DAG1: variants seen among roughly 807,000 people sequenced by gnomAD.
DAG1 encodes dystroglycan 1 (dystrophin-associated glycoprotein 1).
A neutral mutation model predicts 46.1 loss-of-function variants in DAG1; 8 were observed. The observed-to-expected ratio is 0.17, with a 90% CI of 0.10 to 0.31. DAG1 has a LOEUF of 0.31. Among genes scored for constraint, DAG1 ranks in the 10% least tolerant of loss-of-function variants. The probability of loss-of-function intolerance (pLI) is 1.00; values close to 1 mark genes in which losing one functional copy is unlikely to be tolerated. For synonymous variants in DAG1, 495 were observed against 481.8 expected, an observed-to-expected ratio of 1.03 and a Z score of -0.36; for missense variants, 1,003 against 1,189.9, an observed-to-expected ratio of 0.84 and a Z score of 2.31.
At position 49,511,043 on chromosome 3, in the gene DAG1, A is replaced by G. The variant is rs760522875; in HGVS notation, c.285+224A>G. Reference sequence around the variant, plus strand: ...CCTATTCTGAGGGCATCACCATGTAATAGCCTTTACTCTGGAAGTTCTACT... The same window carrying G: ...CCTATTCTGAGGGCATCACCATGTAGTAGCCTTTACTCTGGAAGTTCTACT... On this transcript the variant is annotated intron_variant, in intron 2 of 2. Coordinates refer to ENST00000308775, the MANE Select transcript of DAG1 (RefSeq NM_004393.6). The G allele has an allele frequency of 1.9e-5, 17 of 896,214 alleles. No individual in the cohort carries two copies. In the Admixed American group the frequency reaches 3.7e-4, roughly 20 times the overall value. The allele number at this position is 896,214 out of a possible 1,614,324, so 55.5% of individuals were successfully genotyped here.
chr3:49,510,794 T>C lies in DAG1; in HGVS notation c.260T>C (p.Ile87Thr). ...CGAGTGACCATTCCAACAGATTTGA[T>C]TGCCTCCAGTGGAGATATCATCAAG... Reference protein sequence around the residue: ...SFRVTIPTDLIASSGDIIKVS... With the variant: ...SFRVTIPTDLTASSGDIIKVS... The change falls in exon 2 of 3, where the codon ATT becomes ACT. Residue 87 changes from isoleucine (I) to threonine (T), a missense_variant. Ile to Thr is a moderately conservative substitution (Grantham distance 89). Transcript: ENST00000308775. 1 of 1,614,152 alleles carries C rather than the reference T, an allele frequency of 6.2e-7. No individual in the cohort carries two copies. Among genetic ancestry groups the C allele is most frequent in the Non-Finnish European group, 8.5e-7 (1 of 1,180,018 alleles).
intron 2 of DAG1, among the ~76,000 whole-genome samples, chr3:49,527,273 C>T (rs1327751593): frequency 2.0e-5 from 3 of 152,154 alleles, no homozygotes; most frequent in Non-Finnish European, 4.4e-5. Context: ...GCCTGTAATC[C>T]CAGCACTTTG....
intron 1 of DAG1, among the ~76,000 whole-genome samples, chr3:49,508,233 C>G (rs975336774): frequency 2.4e-5 from 3 of 126,760 alleles, no homozygotes; most frequent in African/African-American, 9.0e-5. Flanking sequence ...TGGAGTTTTG[C>G]TCTTGTTGCC....
rs374936878 is a variant in DAG1 at position 49,532,226 on chromosome 3, A to G, written c.1715A>G (p.Lys572Arg). ...CTTCCCGACAGCAGCCACGTGGGCA[A>G]ACACGAGTATTTCATGCATGCCACA... is the stretch of plus-strand genomic sequence containing the variant. ...YGLPDSSHVGKHEYFMHATDK... is the reference protein window; with the variant it reads ...YGLPDSSHVGRHEYFMHATDK... Residue 572 changes from lysine to arginine, a missense_variant, in exon 3 of 3, where the codon AAA becomes AGA. Lys to Arg is a conservative substitution (Grantham distance 26, BLOSUM62 2). Around this residue, in one of 3 missense-constraint regions of DAG1, gnomAD observed 755 missense variants for 854.1 expected, o/e 0.88. Coordinates refer to ENST00000308775, the MANE Select transcript of DAG1 (RefSeq NM_004393.6). This position sits in a 1 kb window ranked among gnomAD's most constrained non-coding sequence, Gnocchi z 5.4. The G allele has an allele frequency of 6.2e-7, 1 of 1,614,078 alleles. No individual in the cohort carries two copies. Among genetic ancestry groups the G allele is most frequent in the South Asian group, 1.1e-5 (1 of 91,090 alleles).
chr3:49,472,741 A>G (rs2049558930), intron 1 of DAG1, among the ~76,000 whole-genome samples: 1 of 151,996 alleles, frequency 6.6e-6, no homozygotes, highest in African/African-American at 2.4e-5. Context: ...CGGGAGGCGG[A>G]GCTTGCAGTG....
Position 49,531,834 on chromosome 3 carries a change from C to T in DAG1, c.1323C>T (p.Ser441=), listed in dbSNP as rs2051357458. The T allele has an allele frequency of 2.5e-6, 4 of 1,613,774 alleles. No individual in the cohort carries two copies. Among genetic ancestry groups the T allele is most frequent in the Admixed American group, 1.7e-5 (1 of 60,002 alleles). ...AACCAGCAACGCCTTCAACTGACTC[C>T]ACCACCACCACGACTCGCAGGCCAA... The part of the protein sequence containing the change: ...TPKPATPSTD[S]TTTTTRRPTK... Residue 441 remains serine (S), a synonymous_variant, in exon 3 of 3, where the codon TCC becomes TCT. Coordinates refer to ENST00000308775, the MANE Select transcript of DAG1 (RefSeq NM_004393.6). The surrounding 1 kb of genome is among the most constrained non-coding windows in gnomAD (Gnocchi z 7.0).
intron 1 of DAG1, among the ~76,000 whole-genome samples, chr3:49,496,476 G>A (rs1273843015): frequency 6.7e-6 from 1 of 148,332 alleles, no homozygotes; most frequent in African/African-American, 2.5e-5. Flanking sequence ...TGCTGCCTTA[G>A]CCTCCTGAGT....
Position 49,510,687 on chromosome 3 carries a change from C to G in DAG1, c.153C>G (p.His51Gln), listed in dbSNP as rs1329844909. ...AAAACCAGCTTGAGGCATCCATGCA[C>G]TCAGTGCTCTCAGACCTCCACGAGG... ...DWENQLEASM[H>Q]SVLSDLHEAV... The change falls in exon 2 of 3, where the codon CAC (histidine) becomes CAG (glutamine). Residue 51 changes from histidine (H) to glutamine (Q), a missense_variant. Physicochemically the swap from His to Gln is conservative, Grantham distance 24. Transcript: ENST00000308775. 1.2e-6 allele frequency: 2 copies of G among 1,614,178 alleles called. No homozygotes were observed. Among genetic ancestry groups the G allele is most frequent in the South Asian group, 1.1e-5 (1 of 91,076 alleles).
intron 1 of DAG1, among the ~76,000 whole-genome samples, chr3:49,486,661 C>T (rs1485944235): frequency 6.6e-5 from 10 of 151,986 alleles, no homozygotes; most frequent in Admixed American, 6.6e-4. Flanking sequence ...CATCACCACG[C>T]CTGGCTAATT....
intron 1 of DAG1, among the ~76,000 whole-genome samples, chr3:49,508,473 A>G (rs1382128545): frequency 6.6e-6 from 1 of 152,010 alleles, no homozygotes; most frequent in African/African-American, 2.4e-5. Context: ...GTCTCCGCTC[A>G]CTGCAACCTC....
At chr3:49,487,790 C>T (rs935912116) in intron 1 of DAG1, among the ~76,000 whole-genome samples, 2 of 151,238 alleles carry the variant, frequency 1.3e-5, no homozygotes, top group Non-Finnish European at 2.9e-5. Context: ...ACCTCCGCCT[C>T]CCGGGTTCAA....
Position 49,532,373 on chromosome 3 carries a change from A to G in DAG1, c.1862A>G (p.Asn621Ser). ...KFVGDPALVLNDIHKKIALVK... is the reference protein window; with the variant it reads ...KFVGDPALVLSDIHKKIALVK... ...GTGGGTGACCCGGCACTGGTGTTGA[A>G]TGACATCCACAAGAAGATTGCCTTG... Residue 621 changes from asparagine (N) to serine (S), a missense_variant, in exon 3 of 3, where the codon AAT becomes AGT. Around this residue, in one of 3 missense-constraint regions of DAG1, gnomAD observed 755 missense variants for 854.1 expected, o/e 0.88. Transcript: ENST00000308775. This position sits in a 1 kb window ranked among gnomAD's most constrained non-coding sequence, Gnocchi z 5.4. The G allele has an allele frequency of 1.2e-6, 2 of 1,614,140 alleles. No individual in the cohort carries two copies. The highest frequency in any genetic ancestry group is 1.7e-6 in the Non-Finnish European group (2 of 1,180,028).
intron 2 of DAG1, among the ~76,000 whole-genome samples, chr3:49,526,432 C>T (rs1054121894): frequency 1.1e-4 from 16 of 152,228 alleles, no homozygotes; most frequent in Middle Eastern, 3.4e-3. Flanking sequence ...AATTTGGTCA[C>T]GTGCAGTGGC....
intron 2 of DAG1, among the ~76,000 whole-genome samples, chr3:49,516,083 G>A (rs1301207202): frequency 6.6e-6 from 1 of 152,046 alleles, no homozygotes; most frequent in African/African-American, 2.4e-5. Context: ...TTCTTCTTTT[G>A]TCATGGGTAC....
rs755251035 is a variant in DAG1, at chr3:49,532,993, C to T, written c.2482C>T (p.Pro828Ser). 3 of 1,614,132 alleles carry T rather than the reference C, an allele frequency of 1.9e-6. No individual in the cohort carries two copies. Among genetic ancestry groups the T allele is most frequent in the African/African-American group, 2.7e-5 (2 of 75,028 alleles). ...GCAGGAGGAGAAGGCTCCCCTACCC[C>T]CTCCTGAGTACCCCAACCAGAGTGT... ...ILQEEKAPLPPPEYPNQSVPE... is the reference protein window; with the variant it reads ...ILQEEKAPLPSPEYPNQSVPE... The change falls in exon 3 of 3, where the codon CCT (proline) becomes TCT (serine). Residue 828 changes from proline (P) to serine (S), a missense_variant. Transcript: ENST00000308775. The surrounding 1 kb of genome is among the most constrained non-coding windows in gnomAD (Gnocchi z 5.4).
intron 1 of DAG1, among the ~76,000 whole-genome samples, chr3:49,481,679 T>C (rs975848086): frequency 2.0e-5 from 3 of 152,046 alleles, no homozygotes; most frequent in African/African-American, 7.2e-5. Flanking sequence ...GTGCCAGTTG[T>C]GGGGAGCTCA....
rs758275089 is a variant in DAG1 at position 49,472,479 on chromosome 3, C to T, written c.-117+2046C>T. On this transcript the variant is annotated intron_variant, in intron 1 of 2. Coordinates refer to ENST00000308775, the MANE Select transcript of DAG1 (RefSeq NM_004393.6). Reference sequence around the variant, plus strand: ...ACTTAGGGACCACTTAGACTGCCGTCGATGCATAGGAAAGGAGGCCTGGCA... The same window carrying T: ...ACTTAGGGACCACTTAGACTGCCGTTGATGCATAGGAAAGGAGGCCTGGCA... Among the ~76,000 whole-genome samples, 3 of 152,138 alleles carry T rather than the reference C, an allele frequency of 2.0e-5. No individual in the cohort carries two copies. The East Asian group carries it at 5.8e-4, about 29-fold the overall frequency.
chr3:49,531,993 C>T lies in DAG1; in HGVS notation c.1482C>T (p.Asn494=). The T allele has an allele frequency of 6.2e-7, 1 of 1,614,192 alleles. No individual in the cohort carries two copies. Among genetic ancestry groups the T allele is most frequent in the Non-Finnish European group, 8.5e-7 (1 of 1,180,044 alleles). ...TSGVPRGGEP[N]QRPELKNHID... Reference sequence around the variant, plus strand: ...GAGTGCCCCGTGGCGGAGAACCCAACCAGCGCCCAGAGCTCAAGAACCATA... The same window carrying T: ...GAGTGCCCCGTGGCGGAGAACCCAATCAGCGCCCAGAGCTCAAGAACCATA... Residue 494 remains asparagine, a synonymous_variant, in exon 3 of 3, where the codon AAC becomes AAT. Coordinates refer to ENST00000308775, the MANE Select transcript of DAG1 (RefSeq NM_004393.6). This position sits in a 1 kb window ranked among gnomAD's most constrained non-coding sequence, Gnocchi z 7.0.
rs201488118 is a variant in DAG1, at chr3:49,532,652, G to T, written c.2141G>T (p.Arg714Leu). 3.1e-6 allele frequency: 5 copies of T among 1,613,930 alleles called. No individual in the cohort carries two copies. Among genetic ancestry groups the T allele is most frequent in the Non-Finnish European group, 1.7e-6 (2 of 1,179,958 alleles). ...ACTGTGACGGGCTCTGGCAGTTGTC[G>T]GCACCTACAGTTTATCCCTGTGGTA... is the stretch of plus-strand genomic sequence containing the variant. Reference protein sequence around the residue: ...SITVTGSGSCRHLQFIPVVPP... With the variant: ...SITVTGSGSCLHLQFIPVVPP... The change falls in exon 3 of 3, where the codon CGG becomes CTG. Residue 714 changes from arginine (R) to leucine (L), a missense_variant. Physicochemically the swap from Arg to Leu is moderately radical, Grantham distance 102 (BLOSUM62 -2). Coordinates refer to ENST00000308775, the MANE Select transcript of DAG1 (RefSeq NM_004393.6). The surrounding 1 kb of genome is among the most constrained non-coding windows in gnomAD (Gnocchi z 5.4).
Sources: gnomAD v4.1 joint callset for allele counts (sites outside exome capture counted in the v4.1 genomes callset) on GRCh38, gnomAD v4.1.1 for gene constraint, gnomAD v4.1.1 regional missense constraint, Gnocchi (gnomAD v3.1) non-coding constraint, MANE v1.5 for transcripts, NCBI Gene and HGNC (gene_info 2026-07-23, HGNC 2026-07-21) for gene names.